PARP8: variants seen among roughly 807,000 people sequenced by gnomAD.
The protein encoded by PARP8 is poly(ADP-ribose) polymerase family member 8.
In PARP8, 51 loss-of-function variants were observed where a neutral mutation model predicts 124.1. The observed-to-expected ratio is 0.41, with a 90% CI of 0.33 to 0.52. The LOEUF is 0.52. PARP8 is among the 20% of genes least tolerant of loss of function. The probability of loss-of-function intolerance (pLI) is 0.21; values close to 1 mark genes in which losing one functional copy is unlikely to be tolerated. For missense variants in PARP8, 860 were observed against 1,018.9 expected (o/e 0.84, Z 2.12); for synonymous variants, 391 against 361.5 (o/e 1.08, Z -0.93).
intron 23 of PARP8, 90 bp downstream of exon 23, chr5:50,832,944 G>A: frequency 1.7e-6 from 2 of 1,171,966 alleles, no homozygotes; most frequent in East Asian, 2.5e-5. Context: ...TTTTAAGTCT[G>A]AAAAATTATT....
Position 50,844,505 on chromosome 5 carries a change from A to C in PARP8, c.*2437A>C, listed in dbSNP as rs1748468117. The C allele has an allele frequency of 2.6e-5, 4 of 151,942 alleles. No homozygotes were observed. The South Asian group carries it at 8.3e-4, about 31-fold the overall frequency. The allele number at this position is 151,942 out of a possible 1,614,324, so 9.4% of individuals were successfully genotyped here. A position where few individuals can be genotyped will look rare whatever the true frequency, so the allele number is the denominator to read the frequency against. On this transcript the variant is annotated 3_prime_UTR_variant, in exon 26 of 26. Transcript: ENST00000281631. ...GTCCATACAATTTAGAGATTTGAAC[A>C]CTGTTATCATGCTTTAATTCAGTCA...
intron 2 of PARP8, among the ~76,000 whole-genome samples, chr5:50,706,000 T>C (rs533247007): frequency 2.0e-5 from 3 of 152,306 alleles, no homozygotes; most frequent in East Asian, 1.9e-4. Flanking sequence ...CTAGACTCTC[T>C]TGAGGGTAGG....
intron 2 of PARP8, among the ~76,000 whole-genome samples, chr5:50,698,707 A>T (rs1238033047): frequency 6.6e-6 from 1 of 152,194 alleles, no homozygotes; most frequent in Admixed American, 6.5e-5. Flanking sequence ...TTGAGAACCC[A>T]CTGGAAAAAC....
intron 12 of PARP8, among the ~76,000 whole-genome samples, chr5:50,796,268 AAAT>A (rs1742541472): frequency 6.6e-6 from 1 of 152,216 alleles, no homozygotes; most frequent in South Asian, 2.1e-4. Flanking sequence ...AAATTGAAAA[AAAT>A]AAGATGTTTC....
chr5:50,787,139 C>T (rs73752767), intron 9 of PARP8, among the ~76,000 whole-genome samples: 3,228 of 152,182 alleles, frequency 0.021, 102 homozygotes, highest in African/African-American at 0.073. Context: ...ATCCAGTCCA[C>T]CCGCAAAATC....
At chr5:50,698,860 G>A (rs1445445301) in intron 2 of PARP8, among the ~76,000 whole-genome samples, 1 of 152,160 alleles carries the variant, frequency 6.6e-6, no homozygotes, top group African/African-American at 2.4e-5. Flanking sequence ...CTTTGAATTA[G>A]TTAGCTAAAA....
At chr5:50,822,615 C>G (rs1745890033) in intron 17 of PARP8, among the ~76,000 whole-genome samples, 1 of 152,172 alleles carries the variant, frequency 6.6e-6, no homozygotes, top group South Asian at 2.1e-4. Context: ...TCCTAATACT[C>G]TGCCCTCAAA....
Position 50,666,790 on chromosome 5 carries a change from G to C in PARP8, c.-306G>C. On this transcript the variant is annotated 5_prime_UTR_variant, in exon 1 of 26. Transcript: ENST00000281631. ...GCCGTTGGTCCGGGCGGGTGAGGGA[G>C]AAAGTGAGACTTGGTGTCATCACCA... 9.7e-7 allele frequency: 1 copy of C among 1,033,028 alleles called. No homozygotes were observed. The highest frequency in any genetic ancestry group is 5.9e-5 in the East Asian group (1 of 16,932). The allele number at this position is 1,033,028 out of a possible 1,614,324, so 64.0% of individuals were successfully genotyped here.
At chr5:50,676,504 A>G (rs1750656862) in intron 2 of PARP8, among the ~76,000 whole-genome samples, 1 of 152,186 alleles carries the variant, frequency 6.6e-6, no homozygotes, top group African/African-American at 2.4e-5. Flanking sequence ...CCTCTCTGGT[A>G]CCTGATTAGA....
intron 2 of PARP8, among the ~76,000 whole-genome samples, chr5:50,746,624 G>T (rs1281423784): frequency 6.6e-6 from 1 of 151,900 alleles, no homozygotes; most frequent in Admixed American, 6.6e-5. Context: ...ATATTCTCTG[G>T]TTCCCTCTAA....
chr5:50,774,432 C>T (rs1232408143), intron 7 of PARP8, among the ~76,000 whole-genome samples: 1 of 152,242 alleles, frequency 6.6e-6, no homozygotes, highest in East Asian at 1.9e-4. Context: ...CAGAGGCGCT[C>T]CTCACTTCCC....
At chr5:50,834,118 A>T (rs1747300686) in intron 24 of PARP8, 70 bp downstream of exon 24, 6 of 1,248,988 alleles carry the variant, frequency 4.8e-6, no homozygotes, top group Non-Finnish European at 6.9e-6. Flanking sequence ...ATATAAGTAT[A>T]TTTACAGAGT....
intron 2 of PARP8, among the ~76,000 whole-genome samples, chr5:50,671,339 G>T (rs1335248693): frequency 2.6e-5 from 4 of 152,148 alleles, no homozygotes; most frequent in African/African-American, 9.7e-5. Flanking sequence ...AGCAGGCTGA[G>T]TCCCTGGGGC....
chr5:50,689,367 A>T (rs772695094), intron 2 of PARP8, among the ~76,000 whole-genome samples: 6 of 152,138 alleles, frequency 3.9e-5, no homozygotes, highest in Non-Finnish European at 8.8e-5. Context: ...TTTATTTCTT[A>T]TTCTTATTCT....
At chr5:50,754,029 T>A (rs1759542751) in intron 3 of PARP8, among the ~76,000 whole-genome samples, 1 of 145,784 alleles carries the variant, frequency 6.9e-6, no homozygotes, top group Admixed American at 6.9e-5. Context: ...AAAATCTAAC[T>A]GTCCCCAGAG....
intron 17 of PARP8, among the ~76,000 whole-genome samples, chr5:50,823,341 C>T (rs1382439963): frequency 2.0e-5 from 3 of 152,106 alleles, no homozygotes; most frequent in Admixed American, 6.5e-5. Context: ...TTGATTCTTT[C>T]GATCATCATT....
intron 2 of PARP8, among the ~76,000 whole-genome samples, chr5:50,737,288 T>G (rs970850518): frequency 6.6e-6 from 1 of 152,154 alleles, no homozygotes; most frequent in African/African-American, 2.4e-5. Flanking sequence ...GAAAATTATT[T>G]TAAATATGAT....
At chr5:50,761,405 C>CT (rs902467164) in intron 5 of PARP8, among the ~76,000 whole-genome samples, 5 of 151,782 alleles carry the variant, frequency 3.3e-5, no homozygotes, top group Non-Finnish European at 7.4e-5. Context: ...TTTAAAGTTT[C>CT]TTTTTTTTCA....
Position 50,763,217 on chromosome 5 carries a change from T to C in PARP8, c.493T>C (p.Tyr165His), listed in dbSNP as rs1760732766. The part of the protein sequence containing the change: ...EADLSAVREI[Y>H]GPHAVSLREY... ...TGATTTGTCAGCAGTTAGAGAGATA[T>C]ATGGGCCACATGCAGTTTCTCTCAG... The change falls in exon 7 of 26, where the codon TAT becomes CAT. Residue 165 changes from tyrosine (Y) to histidine (H), a missense_variant. Tyr to His is a moderately conservative substitution (Grantham distance 83). Around this residue, in one of 2 missense-constraint regions of PARP8, gnomAD observed 517 missense variants for 544.2 expected, o/e 0.95. Coordinates refer to ENST00000281631, the MANE Select transcript of PARP8 (RefSeq NM_024615.4). 7 of 1,612,578 alleles carry C rather than the reference T, an allele frequency of 4.3e-6. No homozygotes were observed. The highest frequency in any genetic ancestry group is 2.2e-5 in the East Asian group (1 of 44,840).
Sources: allele counts gnomAD v4.1 joint callset (sites outside exome capture counted in the v4.1 genomes callset), GRCh38; gene constraint gnomAD v4.1.1; regional missense constraint gnomAD v4.1.1; transcripts MANE v1.5; gene names NCBI Gene and HGNC (gene_info 2026-07-23, HGNC 2026-07-21).